The following MAST4 variants were observed in gnomAD, a reference collection of about 807,000 sequenced individuals.
The protein encoded by MAST4 is microtubule-associated serine/threonine-protein kinase 4.
MAST4 carries 89 observed loss-of-function variants against 162.7 expected under a neutral mutation model. The observed-to-expected ratio is 0.55, with a 90% CI of 0.46 to 0.65. The LOEUF is 0.65. Among genes scored for constraint, MAST4 ranks in the 30% least tolerant of loss-of-function variants. The pLI is 0.00. For missense variants in MAST4, 3,153 were observed against 3,374.0 expected (o/e 0.93, Z 1.62); for synonymous variants, 1,479 against 1,361.1 (o/e 1.09, Z -1.91).
At chr5:66,877,703 A>G (rs1334823699) in intron 3 of MAST4, among the ~76,000 whole-genome samples, 4 of 152,222 alleles carry the variant, frequency 2.6e-5, no homozygotes. Flanking sequence ...TTGAAATATA[A>G]TATGGACTCC....
intron 3 of MAST4, among the ~76,000 whole-genome samples, chr5:66,833,187 T>G (rs1172973833): frequency 1.3e-5 from 2 of 152,178 alleles, no homozygotes; most frequent in Non-Finnish European, 2.9e-5. Flanking sequence ...GTGTAATTGT[T>G]AATAAACCAC....
intron 3 of MAST4, among the ~76,000 whole-genome samples, chr5:66,845,993 T>C (rs1041222838): frequency 2.6e-5 from 4 of 152,186 alleles, no homozygotes; most frequent in African/African-American, 9.6e-5. Flanking sequence ...GTGCTTTACA[T>C]GTATCAGTTC....
At chr5:67,061,355 T>C (rs1306404570) in intron 5 of MAST4, among the ~76,000 whole-genome samples, 5 of 152,230 alleles carry the variant, frequency 3.3e-5, no homozygotes, top group Non-Finnish European at 7.3e-5. Context: ...TAACCATTTG[T>C]ATCTCCTTTT....
chr5:66,737,002 A>G (rs1231838903), intron 1 of MAST4, among the ~76,000 whole-genome samples: 5 of 152,238 alleles, frequency 3.3e-5, no homozygotes, highest in Admixed American at 3.3e-4. Context: ...AATTTGTATA[A>G]CATATGCATA....
intron 1 of MAST4, among the ~76,000 whole-genome samples, chr5:66,689,840 C>A (rs144053908): frequency 6.6e-6 from 1 of 152,122 alleles, no homozygotes; most frequent in Admixed American, 6.6e-5. Flanking sequence ...ATAAGGAGTG[C>A]GAGAAGGTGA....
At chr5:66,791,932 G>GGATGCCA (rs1755430461) in intron 3 of MAST4, among the ~76,000 whole-genome samples, 1 of 152,136 alleles carries the variant, frequency 6.6e-6, no homozygotes, top group Non-Finnish European at 1.5e-5. Context: ...GCCCAGATTT[G>GGATGCCA]GATGCCATAT....
At chr5:66,847,168 C>T (rs914934623) in intron 3 of MAST4, among the ~76,000 whole-genome samples, 3 of 152,162 alleles carry the variant, frequency 2.0e-5, no homozygotes, top group Non-Finnish European at 4.4e-5. Context: ...AAAGTTGACA[C>T]GGATTCAAAT....
chr5:67,080,912 GTTAA>G lies in MAST4; in HGVS notation c.764-9244_764-9241del, dbSNP rs1231999419. ...TGATAGTGAAAATGTAAACATTATGGTTAATTAATGTTTTCTTTAATTATATATA... is the reference window on the plus strand; with the variant it reads ...TGATAGTGAAAATGTAAACATTATGGTTAATGTTTTCTTTAATTATATATA... On this transcript the variant is annotated intron_variant, in intron 5 of 28. Transcript: ENST00000403625. 1.0e-3 allele frequency among the ~76,000 whole-genome samples: 150 copies of G among 142,922 alleles called. 2 individuals are homozygous for G. The Middle Eastern group carries it at 0.015, about 14-fold the overall frequency. 93.8% of individuals were successfully genotyped at this position (142,922 alleles called of 152,430 possible).
chr5:66,762,184 G>T (rs543066983), intron 2 of MAST4, among the ~76,000 whole-genome samples: 1 of 151,862 alleles, frequency 6.6e-6, no homozygotes, highest in East Asian at 1.9e-4. Context: ...CAATTAGTTC[G>T]CTACACAATT....
At chr5:67,039,386 G>A (rs954104148) in intron 4 of MAST4, among the ~76,000 whole-genome samples, 2 of 152,158 alleles carry the variant, frequency 1.3e-5, no homozygotes, top group African/African-American at 4.8e-5. Context: ...GAAGGTCAGG[G>A]ATTCCATAGC....
At chr5:66,649,979 T>C (rs1580102913) in intron 1 of MAST4, among the ~76,000 whole-genome samples, 3 of 129,438 alleles carry the variant, frequency 2.3e-5, no homozygotes, top group Non-Finnish European at 5.3e-5. Context: ...CCAATTCACC[T>C]TTTTTTTTTC....
intron 18 of MAST4, among the ~76,000 whole-genome samples, chr5:67,135,538 T>A (rs1769502023): frequency 6.6e-6 from 1 of 152,218 alleles, no homozygotes. Flanking sequence ...GAGGGGCCCC[T>A]TTATCACGGC....
intron 11 of MAST4, among the ~76,000 whole-genome samples, chr5:67,110,417 A>G (rs886364936): frequency 6.6e-6 from 1 of 152,234 alleles, no homozygotes; most frequent in Non-Finnish European, 1.5e-5. Flanking sequence ...TGATGGTCAT[A>G]CCATATTCTA....
intron 12 of MAST4, chr5:67,114,647 G>C (rs930526349): frequency 1.7e-5 from 3 of 179,434 alleles, no homozygotes; most frequent in African/African-American, 7.2e-5. Flanking sequence ...ATTGATGGTA[G>C]ATTACTTTAA....
intron 1 of MAST4, among the ~76,000 whole-genome samples, chr5:66,668,301 T>G (rs1247371365): frequency 6.6e-6 from 1 of 152,262 alleles, no homozygotes; most frequent in Non-Finnish European, 1.5e-5. Context: ...ACAGCCTTTC[T>G]GAGTGTTAGT....
intron 4 of MAST4, among the ~76,000 whole-genome samples, chr5:67,051,879 G>C (rs1303881573): frequency 6.6e-6 from 1 of 152,068 alleles, no homozygotes; most frequent in Non-Finnish European, 1.5e-5. Context: ...TTGCTACTTT[G>C]GGATCATTTG....
intron 1 of MAST4, among the ~76,000 whole-genome samples, chr5:66,647,148 G>A (rs1048023764): frequency 5.3e-5 from 8 of 152,106 alleles, no homozygotes; most frequent in Admixed American, 1.3e-4. Context: ...CTGCCTCTTC[G>A]TAGCCTGTGT....
rs749244271 is a variant in MAST4, at chr5:66,596,649, C to G, written c.-7C>G. ...CGCTCGGGAGGCACTTTGGGCCAGACAGGGAAATGGGGGAGAAAGTTTCGG... is the reference window on the plus strand; with the variant it reads ...CGCTCGGGAGGCACTTTGGGCCAGAGAGGGAAATGGGGGAGAAAGTTTCGG... On this transcript the variant is annotated 5_prime_UTR_variant, in exon 1 of 29. Transcript: ENST00000403625. The G allele has an allele frequency of 1.1e-4, 155 of 1,446,656 alleles. No individual in the cohort carries two copies. The highest frequency in any genetic ancestry group is 1.4e-4 in the Non-Finnish European group (151 of 1,103,404). 89.6% of individuals were successfully genotyped at this position (1,446,656 alleles called of 1,614,324 possible). A position where few individuals can be genotyped will look rare whatever the true frequency, so the allele number is the denominator to read the frequency against.
At chr5:67,161,210 A>G (rs531397101) in intron 27 of MAST4, among the ~76,000 whole-genome samples, 14 of 152,312 alleles carry the variant, frequency 9.2e-5, no homozygotes, top group African/African-American at 3.4e-4. Context: ...CTCCTTTGCA[A>G]TGCCACAGCA....
Sources: gnomAD v4.1 joint callset for allele counts (sites outside exome capture counted in the v4.1 genomes callset) on GRCh38, gnomAD v4.1.1 for gene constraint, MANE v1.5 for transcripts, NCBI Gene and HGNC (gene_info 2026-07-23, HGNC 2026-07-21) for gene names.